PAGE5: variants seen among roughly 807,000 people sequenced by gnomAD.
The protein encoded by PAGE5 is PAGE family member 5.
A neutral mutation model predicts 8.1 loss-of-function variants in PAGE5; 8 were observed. The observed-to-expected ratio is 0.98, with a 90% CI of 0.58 to 1.77. The LOEUF (loss-of-function observed/expected upper bound fraction) is 1.77, where lower values mean the gene tolerates loss of function less well. PAGE5 is among the 40% of genes most tolerant of loss of function. PAGE5 has a pLI of 0.00. For missense variants in PAGE5, 64 were observed against 77.6 expected, an observed-to-expected ratio of 0.82 and a Z score of 0.66; for synonymous variants, 30 against 27.0, an observed-to-expected ratio of 1.11 and a Z score of -0.35.
Position 55,220,382 on chromosome X carries a change from GTCTTCGTTCTTTCCGCCA to G in PAGE5, c.-64_-47del, listed in dbSNP as rs1937873148. ...GCAGAGCTCTGCAAGGAGAGGTTGT[GTCTTCGTTCTTTCCGCCA>G]TCTTCGTTCTTTCCAACATCTTCGT... is the stretch of plus-strand genomic sequence containing the variant. On this transcript the variant is annotated 5_prime_UTR_variant, in exon 1 of 5. Transcript: ENST00000374955. 1 of 421,686 alleles carries G rather than the reference GTCTTCGTTCTTTCCGCCA, an allele frequency of 2.4e-6. No individual in the cohort carries two copies. The highest frequency in any genetic ancestry group is 3.2e-5 in the South Asian group (1 of 31,013). 34.8% of individuals were successfully genotyped at this position (421,686 alleles called of 1,213,427 possible).
At position 55,220,445 on chromosome X, in the gene PAGE5, C is replaced by G. The variant is rs1262377444; in HGVS notation, c.-16C>G. ...CTTCGTTCTTTCTCACTGACCGAGA[C>G]TCAGCCGGTAGGTCTGCAGAGTGGT... is the stretch of plus-strand genomic sequence containing the variant. On this transcript the variant is annotated 5_prime_UTR_variant, in exon 1 of 5. Coordinates refer to ENST00000374955, the MANE Select transcript of PAGE5 (RefSeq NM_001013435.3). 6 of 519,129 alleles carry G rather than the reference C, an allele frequency of 1.2e-5. No homozygotes were observed. Among genetic ancestry groups the G allele is most frequent in the Non-Finnish European group, 2.0e-5 (6 of 296,690 alleles). 42.8% of individuals were successfully genotyped at this position (519,129 alleles called of 1,213,427 possible).
In PAGE5 at chrX:55,220,378, T is replaced by A. The variant is rs1937872988; in HGVS notation, c.-83T>A. 4.9e-6 allele frequency: 2 copies of A among 410,854 alleles called. No individual in the cohort carries two copies. Among genetic ancestry groups the A allele is most frequent in the East Asian group, 8.6e-5 (2 of 23,200 alleles). 33.9% of individuals were successfully genotyped at this position (410,854 alleles called of 1,213,427 possible). A position where few individuals can be genotyped will look rare whatever the true frequency, so the allele number is the denominator to read the frequency against. ...CTAGGCAGAGCTCTGCAAGGAGAGG[T>A]TGTGTCTTCGTTCTTTCCGCCATCT... On this transcript the variant is annotated 5_prime_UTR_variant, in exon 1 of 5. It adds an upstream start codon to the 5' untranslated region. Transcript: ENST00000374955.
At chrX:55,220,999 G>A (rs1217431294) in intron 1 of PAGE5, among the ~76,000 whole-genome samples, 1 of 111,127 alleles carries the variant, frequency 9.0e-6, no homozygotes, top group Non-Finnish European at 1.9e-5. Flanking sequence ...GATTTTTCGG[G>A]GAGTGGGGAG....
chrX:55,220,749 T>C (rs954323523), intron 1 of PAGE5: 41 of 868,490 alleles, frequency 4.7e-5, no homozygotes, highest in Non-Finnish European at 6.3e-5. Context: ...TGGAACTCTC[T>C]GAGGGAGGAC....
rs1203561861 is a variant in PAGE5 at position 55,221,637 on chromosome X, A to G, written c.82-130A>G. 6 of 913,727 alleles carry G rather than the reference A, an allele frequency of 6.6e-6. No individual in the cohort carries two copies. The East Asian group carries it at 1.7e-4, about 26-fold the overall frequency. The allele number at this position is 913,727 out of a possible 1,213,427, so 75.3% of individuals were successfully genotyped here. A position where few individuals can be genotyped will look rare whatever the true frequency, so the allele number is the denominator to read the frequency against. ...TATATTCTGGTGTTGCCTTATGGAT[A>G]TGGATATTTTACTCTCTCTCTATAT... On this transcript the variant is annotated intron_variant, in intron 2 of 4. Transcript: ENST00000374955.
chrX:55,221,705 A>G (rs1937894147), intron 2 of PAGE5, 62 bp from the exon 3 acceptor site: 1 of 1,081,040 alleles, frequency 9.3e-7, no homozygotes, highest in Admixed American at 2.5e-5. Flanking sequence ...GATTCGATGC[A>G]CATATGCATT....
chrX:55,220,510 C>T, intron 1 of PAGE5, 58 bp downstream of exon 1: 1 of 903,794 alleles, frequency 1.1e-6, no homozygotes. Flanking sequence ...TGTGGAGGAG[C>T]CAGCGGGCTT....
chrX:55,220,441 G>A lies in PAGE5; in HGVS notation c.-20G>A, dbSNP rs180884276. 16 of 509,924 alleles carry A rather than the reference G, an allele frequency of 3.1e-5. No individual in the cohort carries two copies. In the African/African-American group the frequency reaches 3.7e-4, roughly 12 times the overall value. 42.0% of individuals were successfully genotyped at this position (509,924 alleles called of 1,213,427 possible). Reference sequence around the variant, plus strand: ...ACATCTTCGTTCTTTCTCACTGACCGAGACTCAGCCGGTAGGTCTGCAGAG... The same window carrying A: ...ACATCTTCGTTCTTTCTCACTGACCAAGACTCAGCCGGTAGGTCTGCAGAG... On this transcript the variant is annotated 5_prime_UTR_variant, in exon 1 of 5. Coordinates refer to ENST00000374955, the MANE Select transcript of PAGE5 (RefSeq NM_001013435.3).
rs1379654752 is a variant in PAGE5 at position 55,222,721 on chromosome X, T to G, written c.291T>G (p.Phe97Leu). Reference sequence around the variant, plus strand: ...TCAGGGAGGGGACTCTGCCCACTTTTGATCCCACTAAAGTGCTGGAAGCAG... The same window carrying G: ...TCAGGGAGGGGACTCTGCCCACTTTGGATCCCACTAAAGTGCTGGAAGCAG... ...PDVREGTLPT[F>L]DPTKVLEAGE... Residue 97 changes from phenylalanine to leucine, a missense_variant, in exon 4 of 5, where the codon TTT becomes TTG. Phe to Leu is a conservative substitution (Grantham distance 22). Coordinates refer to ENST00000374955, the MANE Select transcript of PAGE5 (RefSeq NM_001013435.3). 2 of 1,209,096 alleles carry G rather than the reference T, an allele frequency of 1.7e-6. No homozygotes were observed. The highest frequency in any genetic ancestry group is 2.2e-6 in the Non-Finnish European group (2 of 894,325).
rs148210371 is a variant in PAGE5 at position 55,222,665 on chromosome X, A to G, written c.235A>G (p.Ile79Val). ...AFQQELALLK[I>V]EDAPGDGPDV... The stretch of plus-strand genomic sequence containing the variant: ...TCAACAGGAACTGGCTCTGCTTAAG[A>G]TAGAGGATGCACCTGGAGATGGTCC... Residue 79 changes from isoleucine (I) to valine (V), a missense_variant, in exon 4 of 5, where the codon ATA becomes GTA. By Grantham distance (29) the Ile-to-Val change is conservative. Transcript: ENST00000374955. 6.7e-5 allele frequency: 81 copies of G among 1,207,002 alleles called. No individual in the cohort carries two copies. The highest frequency in any genetic ancestry group is 8.9e-5 in the Non-Finnish European group (79 of 892,327).
At chrX:55,222,937 T>A (rs919274045) in intron 4 of PAGE5, among the ~76,000 whole-genome samples, 191 bp downstream of exon 4, 1 of 111,972 alleles carries the variant, frequency 8.9e-6, no homozygotes, top group African/African-American at 3.2e-5. Flanking sequence ...TGGTGGCTCA[T>A]GCTGTTAATT....
chrX:55,221,798 A>T lies in PAGE5; in HGVS notation c.113A>T (p.Glu38Val). ...CAGCCCACTGAGGAAAAACGTCAAG[A>T]AGAGGAACCACCAACTGATAATCAG... The part of the protein sequence containing the change: ...VQQPTEEKRQ[E>V]EEPPTDNQGI... Residue 38 changes from glutamate (E) to valine (V), a missense_variant, in exon 3 of 5, where the codon GAA becomes GTA. Coordinates refer to ENST00000374955, the MANE Select transcript of PAGE5 (RefSeq NM_001013435.3). 3 of 1,210,523 alleles carry T rather than the reference A, an allele frequency of 2.5e-6. No individual in the cohort carries two copies. The highest frequency in any genetic ancestry group is 1.7e-5 in the African/African-American group (1 of 57,810).
At chrX:55,220,614 G>A (rs772503471) in intron 1 of PAGE5, 162 bp downstream of exon 1, 26 of 1,199,928 alleles carry the variant, frequency 2.2e-5, no homozygotes, top group Non-Finnish European at 2.6e-5. Flanking sequence ...AGGCGCCATG[G>A]GCCGGTAATC....
Position 55,221,753 on chromosome X carries a change from A to T in PAGE5, c.82-14A>T. Reference sequence around the variant, plus strand: ...TTATTGACTTTTTATTCGCACACACACTTACACCCTTAGGTCCAGCAGCCC... The same window carrying T: ...TTATTGACTTTTTATTCGCACACACTCTTACACCCTTAGGTCCAGCAGCCC... On this transcript the variant is annotated splice_polypyrimidine_tract_variant and intron_variant, in intron 2 of 4. Transcript: ENST00000374955. The T allele has an allele frequency of 8.3e-7, 1 of 1,204,505 alleles. No individual in the cohort carries two copies. The highest frequency in any genetic ancestry group is 1.8e-5 in the South Asian group (1 of 55,790).
intron 3 of PAGE5, 115 bp from the exon 4 acceptor site, chrX:55,222,506 C>A: frequency 2.3e-6 from 2 of 870,896 alleles, no homozygotes; most frequent in Non-Finnish European, 3.3e-6. Context: ...TGGCAACAGA[C>A]TTCTGAAATA....
intron 1 of PAGE5, among the ~76,000 whole-genome samples, chrX:55,221,170 T>G (rs905438429): frequency 1.6e-4 from 18 of 111,627 alleles, no homozygotes; most frequent in African/African-American, 5.5e-4. Context: ...GGCGTTAAGG[T>G]GTTTTCTGTG....
intron 2 of PAGE5, 118 bp from the exon 3 acceptor site, chrX:55,221,649 C>T: frequency 1.4e-6 from 1 of 689,759 alleles, no homozygotes; most frequent in Non-Finnish European, 2.0e-6. Flanking sequence ...GGATATTTTA[C>T]TCTCTCTCTA....
chrX:55,221,315 G>C (rs1937887970), intron 1 of PAGE5, 60 bp from the exon 2 acceptor site: 5 of 1,039,246 alleles, frequency 4.8e-6, no homozygotes, highest in Non-Finnish European at 6.6e-6. Context: ...GCCATGGAAT[G>C]TTCATATATA....
intron 4 of PAGE5, 77 bp from the exon 5 acceptor site, chrX:55,223,910 T>A: frequency 1.2e-6 from 1 of 836,915 alleles, no homozygotes. Context: ...TAATCAACAC[T>A]GTAGTTGTAT....
Sources: allele counts gnomAD v4.1 joint callset (sites outside exome capture counted in the v4.1 genomes callset), GRCh38; gene constraint gnomAD v4.1.1; transcripts MANE v1.5; gene names NCBI Gene and HGNC (gene_info 2026-07-23, HGNC 2026-07-21).